ACSL5: variants seen among roughly 807,000 people sequenced by gnomAD.
ACSL5 encodes the protein long-chain-fatty-acid--CoA ligase 5.
ACSL5 carries 50 observed loss-of-function variants against 84.9 expected under a neutral mutation model. The observed-to-expected ratio is 0.59, with a 90% CI of 0.47 to 0.75. The LOEUF (loss-of-function observed/expected upper bound fraction) is 0.75. ACSL5 is among the 30% of genes least tolerant of loss of function. The pLI is 0.00. For synonymous variants in ACSL5, 280 were observed against 300.7 expected (o/e 0.93, Z 0.71); for missense variants, 775 against 830.4 (o/e 0.93, Z 0.82).
chr10:112,390,310 G>T (rs915836661), intron 1 of ACSL5, among the ~76,000 whole-genome samples: 4 of 152,088 alleles, frequency 2.6e-5, no homozygotes, highest in Non-Finnish European at 5.9e-5. Flanking sequence ...TTAGAGAAAT[G>T]CAAATCAAAC....
intron 5 of ACSL5, among the ~76,000 whole-genome samples, chr10:112,407,339 T>C (rs971103306): frequency 6.6e-6 from 1 of 152,170 alleles, no homozygotes; most frequent in African/African-American, 2.4e-5. Flanking sequence ...TTCTTCTGCC[T>C]CAGCCTCCCG....
At chr10:112,380,785 A>G (rs1849334583) in intron 1 of ACSL5, among the ~76,000 whole-genome samples, 1 of 152,094 alleles carries the variant, frequency 6.6e-6, no homozygotes, top group Non-Finnish European at 1.5e-5. Flanking sequence ...GTTTCTTAAG[A>G]CAGGGTCACA....
intron 3 of ACSL5, among the ~76,000 whole-genome samples, chr10:112,399,400 T>C (rs1473000053): frequency 6.6e-6 from 1 of 152,214 alleles, no homozygotes; most frequent in Non-Finnish European, 1.5e-5. Context: ...TTCATTAATG[T>C]AATTCCCTGC....
chr10:112,375,163 C>G (rs1298043356), intron 1 of ACSL5: 3 of 152,142 alleles, frequency 2.0e-5, no homozygotes, highest in African/African-American at 7.2e-5. Context: ...GATTCGACAC[C>G]CACTCTGCCA....
chr10:112,416,858 T>G (rs1306689507), intron 12 of ACSL5, 30 bp from the exon 13 acceptor site: 1 of 1,611,110 alleles, frequency 6.2e-7, no homozygotes, highest in Admixed American at 1.7e-5. Context: ...TCCAATAGGT[T>G]TCCAACTAAA....
At chr10:112,381,665 C>T (rs566420725) in intron 1 of ACSL5, among the ~76,000 whole-genome samples, 48 of 104,806 alleles carry the variant, frequency 4.6e-4, no homozygotes, top group Non-Finnish European at 8.2e-4. Context: ...GAGACTGTCT[C>T]AAAAAAAAAA....
intron 14 of ACSL5, among the ~76,000 whole-genome samples, chr10:112,418,527 A>G (rs1442537444): frequency 6.6e-6 from 1 of 152,074 alleles, no homozygotes; most frequent in Non-Finnish European, 1.5e-5. Context: ...GCTTGCAGTG[A>G]GCTGAGATTG....
At chr10:112,401,935 C>A (rs1440852778) in intron 3 of ACSL5, among the ~76,000 whole-genome samples, 1 of 129,226 alleles carries the variant, frequency 7.7e-6, no homozygotes, top group Non-Finnish European at 1.7e-5. Flanking sequence ...CTTCCTCCCA[C>A]CTTCTCTTTC....
At chr10:112,398,827 A>C (rs1289694889) in intron 2 of ACSL5, 74 bp from the exon 3 acceptor site, 5 of 1,272,656 alleles carry the variant, frequency 3.9e-6, no homozygotes, top group Non-Finnish European at 5.7e-6. Context: ...TGGTCTCTTT[A>C]ATTCAATTCA....
At chr10:112,400,406 C>CTTTTTTTTTTTTTTTTTTTTTTTTTTT (rs573644087) in intron 3 of ACSL5, among the ~76,000 whole-genome samples, 1 of 98,894 alleles carries the variant, frequency 1.0e-5, no homozygotes, top group Non-Finnish European at 1.9e-5. Context: ...TTTTTCTTTT[C>CTTTTTTTTTTTTTTTTTTTTTTTTTTT]TTTTTTTTTT....
intron 1 of ACSL5, among the ~76,000 whole-genome samples, chr10:112,392,977 G>A (rs1375718251): frequency 6.6e-6 from 1 of 152,070 alleles, no homozygotes; most frequent in African/African-American, 2.4e-5. Flanking sequence ...AGTGGCTGGT[G>A]GCAGACTGGA....
At chr10:112,422,494 C>T in intron 17 of ACSL5, 53 bp downstream of exon 17, 2 of 1,520,818 alleles carry the variant, frequency 1.3e-6, no homozygotes, top group Non-Finnish European at 9.1e-7. Context: ...CTGAGAAGAA[C>T]AATCTGCTTA....
At chr10:112,390,228 G>A (rs527557441) in intron 1 of ACSL5, among the ~76,000 whole-genome samples, 1 of 152,138 alleles carries the variant, frequency 6.6e-6, no homozygotes, top group South Asian at 2.1e-4. Context: ...AAAGACTTGA[G>A]TAGACATTTC....
intron 17 of ACSL5, chr10:112,424,517 TA>T (rs1231452615): frequency 6.6e-6 from 1 of 152,230 alleles, no homozygotes; most frequent in African/African-American, 2.4e-5. Context: ...AACACTCTAA[TA>T]AGCCTAGGAT....
intron 14 of ACSL5, chr10:112,419,814 A>T (rs1214509573): frequency 6.6e-6 from 1 of 152,252 alleles, no homozygotes; most frequent in African/African-American, 2.4e-5. Flanking sequence ...CTGCTTAGAC[A>T]GGACTTCCTA....
chr10:112,378,631 G>A (rs1333787079), intron 1 of ACSL5, among the ~76,000 whole-genome samples: 1 of 152,144 alleles, frequency 6.6e-6, no homozygotes, highest in African/African-American at 2.4e-5. Flanking sequence ...CAGATGAGCA[G>A]ACCCTCAGCT....
At chr10:112,420,883 G>A (rs188445584) in intron 14 of ACSL5, among the ~76,000 whole-genome samples, 149 of 151,940 alleles carry the variant, frequency 9.8e-4, no homozygotes, top group African/African-American at 3.4e-3. Context: ...CACCAGGCCC[G>A]GCTAATTTTT....
At chr10:112,398,557 G>A (rs1440658334) in intron 2 of ACSL5, among the ~76,000 whole-genome samples, 9 of 151,892 alleles carry the variant, frequency 5.9e-5, no homozygotes, top group African/African-American at 1.5e-4. Context: ...GGCATCTGCC[G>A]CCATGCCTGG....
At chr10:112,407,632 A>C (rs1277662343) in intron 5 of ACSL5, among the ~76,000 whole-genome samples, 1 of 152,152 alleles carries the variant, frequency 6.6e-6, no homozygotes, top group African/African-American at 2.4e-5. Flanking sequence ...ACACATGGGG[A>C]TTATGGGAAC....
Sources: gnomAD v4.1 joint callset for allele counts (sites outside exome capture counted in the v4.1 genomes callset) on GRCh38, gnomAD v4.1.1 for gene constraint, MANE v1.5 for transcripts, NCBI Gene and HGNC (gene_info 2026-07-23, HGNC 2026-07-21) for gene names.